Variants in CHD7 observed in about 807,000 individuals in gnomAD.
CHD7 encodes the protein ATP-dependent chromatin remodeler CHD7.
CHD7 carries 24 observed loss-of-function variants against 307.3 expected under a neutral mutation model. The ratio of observed to expected loss-of-function variants is 0.08; its 90% confidence interval spans 0.06 to 0.11. The LOEUF (loss-of-function observed/expected upper bound fraction) is 0.11. Among genes scored for constraint, CHD7 ranks in the 10% least tolerant of loss-of-function variants. CHD7 has a pLI of 1.00. For missense variants in CHD7, 3,106 were observed against 3,727.1 expected, an observed-to-expected ratio of 0.83 and a Z score of 4.34; for synonymous variants, 1,363 against 1,349.9, an observed-to-expected ratio of 1.01 and a Z score of -0.21.
intron 2 of CHD7, among the ~76,000 whole-genome samples, chr8:60,771,316 T>G (rs1810700076): frequency 1.3e-5 from 2 of 152,244 alleles, no homozygotes; most frequent in African/African-American, 4.8e-5. Flanking sequence ...TTCAAAATGC[T>G]TGGATTGAGA....
At chr8:60,803,635 A>G (rs1241452994) in intron 6 of CHD7, among the ~76,000 whole-genome samples, 1 of 152,200 alleles carries the variant, frequency 6.6e-6, no homozygotes, top group Admixed American at 6.5e-5. Flanking sequence ...AAAATAAAGA[A>G]GAGATGTGGA....
At chr8:60,801,096 A>T (rs1250242647) in intron 5 of CHD7, among the ~76,000 whole-genome samples, 3 of 152,210 alleles carry the variant, frequency 2.0e-5, no homozygotes, top group Admixed American at 6.5e-5. Flanking sequence ...TTATTTGGTA[A>T]TTTGTTCTAT....
At chr8:60,707,794 TG>T (rs1807089939) in intron 1 of CHD7, among the ~76,000 whole-genome samples, 1 of 152,242 alleles carries the variant, frequency 6.6e-6, no homozygotes, top group African/African-American at 2.4e-5. Flanking sequence ...GATTTTAATT[TG>T]CTGGACTATA....
chr8:60,684,700 A>G (rs992047011), intron 1 of CHD7, among the ~76,000 whole-genome samples: 9 of 152,196 alleles, frequency 5.9e-5, no homozygotes, highest in Non-Finnish European at 8.8e-5. Flanking sequence ...GCAGTATCCA[A>G]CTTGGTCAGG....
At chr8:60,699,345 GATTT>G (rs1806642638) in intron 1 of CHD7, among the ~76,000 whole-genome samples, 1 of 152,102 alleles carries the variant, frequency 6.6e-6, no homozygotes, top group Non-Finnish European at 1.5e-5. Context: ...TTGTTCCATA[GATTT>G]ATTTGTCTGA....
At chr8:60,688,820 GT>G (rs558039545) in intron 1 of CHD7, among the ~76,000 whole-genome samples, 83 of 152,304 alleles carry the variant, frequency 5.4e-4, no homozygotes, top group African/African-American at 1.5e-3. Flanking sequence ...GGATATTACG[GT>G]TTTCTGATTT....
intron 2 of CHD7, among the ~76,000 whole-genome samples, chr8:60,747,131 C>T (rs1942257884): frequency 6.6e-6 from 1 of 152,154 alleles, no homozygotes; most frequent in African/African-American, 2.4e-5. Flanking sequence ...GGCTAGAGGG[C>T]AGTGGCGCGT....
chr8:60,708,632 A>G (rs1807128005), intron 1 of CHD7, among the ~76,000 whole-genome samples: 1 of 152,206 alleles, frequency 6.6e-6, no homozygotes, highest in African/African-American at 2.4e-5. Context: ...TACCTGGATT[A>G]TTCGTGATCC....
chr8:60,765,661 A>AC (rs1810438688), intron 2 of CHD7, among the ~76,000 whole-genome samples: 1 of 152,216 alleles, frequency 6.6e-6, no homozygotes, highest in African/African-American at 2.4e-5. Context: ...TGAGCTTGGT[A>AC]GGGTGCAGCG....
At chr8:60,746,752 G>C (rs1217379174) in intron 2 of CHD7, among the ~76,000 whole-genome samples, 1 of 152,024 alleles carries the variant, frequency 6.6e-6, no homozygotes, top group Non-Finnish European at 1.5e-5. Context: ...AGTCAACAAA[G>C]AAAAATGTTA....
rs534992884 is a variant in CHD7 at position 60,861,368 on chromosome 8, T to C, written c.7830+243T>C. ...TGCGCGTTATGCATTTCCTTACTGT[T>C]TGCTTCTCCCATCAAACTCATGTGA... On this transcript the variant is annotated intron_variant, in intron 35 of 37. Transcript: ENST00000423902. 44 of 422,186 alleles carry C rather than the reference T, an allele frequency of 1.0e-4. No homozygotes were observed. In the Middle Eastern group the frequency reaches 1.8e-3, roughly 17 times the overall value. 26.2% of individuals were successfully genotyped at this position (422,186 alleles called of 1,614,324 possible).
intron 2 of CHD7, among the ~76,000 whole-genome samples, chr8:60,755,457 A>C (rs1177286974): frequency 6.6e-6 from 1 of 152,054 alleles, no homozygotes; most frequent in Non-Finnish European, 1.5e-5. Context: ...TCTTTGCTCA[A>C]ATTTAAATAT....
Position 60,777,857 on chromosome 8 carries a change from G to A in CHD7, c.1666-3143G>A, listed in dbSNP as rs74797613. Reference sequence around the variant, plus strand: ...TCCATAATGTTCCAAATGGGATATGGAATTATAGTAGAATATATGTCAAGC... The same window carrying A: ...TCCATAATGTTCCAAATGGGATATGAAATTATAGTAGAATATATGTCAAGC... On this transcript the variant is annotated intron_variant, in intron 2 of 37. Transcript: ENST00000423902. 4.9e-3 allele frequency among the ~76,000 whole-genome samples: 746 copies of A among 152,262 alleles called. 11 individuals are homozygous for A. The highest frequency in any genetic ancestry group is 0.017 in the African/African-American group (692 of 41,560).
At chr8:60,680,105 C>T (rs1200260406) in intron 1 of CHD7, among the ~76,000 whole-genome samples, 1 of 151,582 alleles carries the variant, frequency 6.6e-6, no homozygotes, top group Non-Finnish European at 1.5e-5. Context: ...GCTCCCCCGC[C>T]CCCCAACCCG....
At chr8:60,730,556 T>G (rs1808394613) in intron 1 of CHD7, among the ~76,000 whole-genome samples, 1 of 152,098 alleles carries the variant, frequency 6.6e-6, no homozygotes, top group Admixed American at 6.5e-5. Flanking sequence ...GCGGTCAACT[T>G]TGGTATAGAA....
At chr8:60,792,037 C>A (rs566020377) in intron 3 of CHD7, among the ~76,000 whole-genome samples, 5 of 152,252 alleles carry the variant, frequency 3.3e-5, no homozygotes, top group Admixed American at 2.6e-4. Context: ...CTCATTTAAA[C>A]CTCATAATAA....
intron 1 of CHD7, among the ~76,000 whole-genome samples, chr8:60,696,282 TAA>T (rs1202004194): frequency 3.9e-5 from 6 of 152,202 alleles, no homozygotes; most frequent in African/African-American, 1.4e-4. Context: ...TACATCAATT[TAA>T]AAAATTATTA....
chr8:60,802,458 A>T (rs574001695), intron 6 of CHD7, among the ~76,000 whole-genome samples: 2 of 152,288 alleles, frequency 1.3e-5, no homozygotes, highest in South Asian at 2.1e-4. Flanking sequence ...TATCAATTCC[A>T]CACAGTTCTT....
chr8:60,844,048 G>A (rs558654662), intron 21 of CHD7, among the ~76,000 whole-genome samples: 1 of 152,212 alleles, frequency 6.6e-6, no homozygotes, highest in East Asian at 1.9e-4. Context: ...GCACTGCCTT[G>A]GTGGCTCAGT....
Sources: gnomAD v4.1 joint callset for allele counts (sites outside exome capture counted in the v4.1 genomes callset) on GRCh38, gnomAD v4.1.1 for gene constraint, MANE v1.5 for transcripts, NCBI Gene and HGNC (gene_info 2026-07-23, HGNC 2026-07-21) for gene names.